The following NKAIN2 variants were observed in gnomAD, a reference collection of about 807,000 sequenced individuals.
NKAIN2 encodes sodium/potassium-transporting ATPase subunit beta-1-interacting protein 2.
A neutral mutation model predicts 32.6 loss-of-function variants in NKAIN2; 14 were observed. That is an observed-to-expected ratio of 0.43 (90% CI 0.28 to 0.67). The LOEUF (loss-of-function observed/expected upper bound fraction) is 0.67. Among genes scored for constraint, NKAIN2 ranks in the 30% least tolerant of loss-of-function variants. The probability of loss-of-function intolerance (pLI) is 0.17; values close to 1 mark genes in which losing one functional copy is unlikely to be tolerated. For missense variants in NKAIN2, 198 were observed against 258.3 expected (o/e 0.77, Z 1.60); for synonymous variants, 80 against 87.2 (o/e 0.92, Z 0.46).
chr6:124,768,528 C>T (rs550647502), intron 4 of NKAIN2, among the ~76,000 whole-genome samples: 19 of 152,146 alleles, frequency 1.2e-4, no homozygotes, highest in Non-Finnish European at 1.8e-4. Flanking sequence ...AGAAAAATAA[C>T]GAATCACACC....
At chr6:124,486,133 T>C (rs764013585) in intron 3 of NKAIN2, among the ~76,000 whole-genome samples, 1 of 152,184 alleles carries the variant, frequency 6.6e-6, no homozygotes, top group Non-Finnish European at 1.5e-5. Flanking sequence ...TACGAGAGTA[T>C]AGCTTCAATA....
chr6:124,135,137 G>A (rs2114289141), intron 1 of NKAIN2, among the ~76,000 whole-genome samples: 1 of 151,648 alleles, frequency 6.6e-6, no homozygotes, highest in African/African-American at 2.4e-5. Context: ...TCTAAATCTT[G>A]AAACAAAACC....
chr6:124,533,341 G>A (rs573383373), intron 3 of NKAIN2, among the ~76,000 whole-genome samples: 1 of 151,870 alleles, frequency 6.6e-6, no homozygotes, highest in Non-Finnish European at 1.5e-5. Context: ...GCATGGTGGT[G>A]GGCCCCTGTA....
At chr6:124,007,505 A>T (rs1399399964) in intron 1 of NKAIN2, among the ~76,000 whole-genome samples, 5 of 152,186 alleles carry the variant, frequency 3.3e-5, no homozygotes, top group Admixed American at 2.6e-4. Context: ...TAGCTCAGGG[A>T]TGGCTAAACT....
At chr6:124,210,204 G>T (rs1243228395) in intron 1 of NKAIN2, among the ~76,000 whole-genome samples, 1 of 151,736 alleles carries the variant, frequency 6.6e-6, no homozygotes, top group Non-Finnish European at 1.5e-5. Context: ...GGACTGAAGA[G>T]ATTATCCTTT....
chr6:124,370,652 T>C (rs896055674), intron 3 of NKAIN2, among the ~76,000 whole-genome samples: 1 of 152,106 alleles, frequency 6.6e-6, no homozygotes, highest in Non-Finnish European at 1.5e-5. Context: ...ACCACAGGGA[T>C]ACTCTGTTTC....
At position 124,476,065 on chromosome 6, in the gene NKAIN2, A is replaced by AGT. The variant is rs61191593; in HGVS notation, c.273+120750_273+120751dup. Among the ~76,000 whole-genome samples the AGT allele has an allele frequency of 4.8e-3, 630 of 132,524 alleles. 4 individuals are homozygous for AGT. Among genetic ancestry groups the AGT allele is most frequent in the African/African-American group, 0.013 (465 of 34,784 alleles). 86.9% of individuals were successfully genotyped at this position (132,524 alleles called of 152,430 possible). A position where few individuals can be genotyped will look rare whatever the true frequency, so the allele number is the denominator to read the frequency against. Reference sequence around the variant, plus strand: ...GTGTGTGTGAGAGAGAGAGAGAGAGAGTGTGTGTGTGTGTGTGTGTGTGTG... The same window carrying AGT: ...GTGTGTGTGAGAGAGAGAGAGAGAGAGTGTGTGTGTGTGTGTGTGTGTGTGTG... On this transcript the variant is annotated intron_variant, in intron 3 of 6. Coordinates refer to ENST00000368417, the MANE Select transcript of NKAIN2 (RefSeq NM_001040214.3).
intron 1 of NKAIN2, among the ~76,000 whole-genome samples, chr6:123,938,103 C>G (rs1776605225): frequency 7.2e-6 from 1 of 139,468 alleles, no homozygotes; most frequent in Non-Finnish European, 1.6e-5. Flanking sequence ...AAACAAAACT[C>G]TATTTGTTCA....
In NKAIN2 at chr6:124,283,062, C is replaced by A. The variant is rs756187720; in HGVS notation, c.112C>A (p.Leu38Met). 1.2e-6 allele frequency: 2 copies of A among 1,612,548 alleles called. No homozygotes were observed. The highest frequency in any genetic ancestry group is 2.7e-5 in the African/African-American group (2 of 74,858). Residue 38 changes from leucine (L) to methionine (M), a missense_variant, in exon 2 of 7, where the codon CTG becomes ATG. Coordinates refer to ENST00000368417, the MANE Select transcript of NKAIN2 (RefSeq NM_001040214.3). The stretch of plus-strand genomic sequence containing the variant: ...CCTTGGATATCAGTGGGCACCTATC[C>A]TGGCAAATTTTGTACATATTATTAT... ...DFLGYQWAPI[L>M]ANFVHIIIVI... is the part of the protein sequence containing the mutation.
chr6:124,333,431 G>T (rs115804064), intron 2 of NKAIN2, among the ~76,000 whole-genome samples: 1 of 151,580 alleles, frequency 6.6e-6, no homozygotes, highest in African/African-American at 2.4e-5. Context: ...AAGCCAAAGC[G>T]GGGGGATCAC....
chr6:124,231,977 C>A (rs920616098), intron 1 of NKAIN2, among the ~76,000 whole-genome samples: 1 of 151,988 alleles, frequency 6.6e-6, no homozygotes, highest in Non-Finnish European at 1.5e-5. Context: ...CTTCTTTTAA[C>A]CTTTATATGT....
chr6:123,979,051 C>T (rs935544321), intron 1 of NKAIN2, among the ~76,000 whole-genome samples: 6 of 152,108 alleles, frequency 3.9e-5, no homozygotes, highest in Admixed American at 2.6e-4. Context: ...CTATCATTTC[C>T]TAGCATAAAT....
intron 3 of NKAIN2, among the ~76,000 whole-genome samples, chr6:124,524,938 A>G (rs1353431235): frequency 6.6e-6 from 1 of 152,306 alleles, no homozygotes; most frequent in East Asian, 1.9e-4. Flanking sequence ...CGGAAACAAG[A>G]TGGCACTGCT....
chr6:124,185,315 T>G (rs1438561001), intron 1 of NKAIN2, among the ~76,000 whole-genome samples: 1 of 152,166 alleles, frequency 6.6e-6, no homozygotes, highest in African/African-American at 2.4e-5. Flanking sequence ...GGTTTAAAAT[T>G]ATGAGTTCTG....
intron 1 of NKAIN2, among the ~76,000 whole-genome samples, chr6:124,212,257 G>A (rs915508685): frequency 7.9e-5 from 12 of 151,820 alleles, no homozygotes; most frequent in African/African-American, 2.9e-4. Flanking sequence ...TACTGTTTTA[G>A]TTTTAAAAGT....
chr6:124,026,566 A>G (rs1033629017), intron 1 of NKAIN2, among the ~76,000 whole-genome samples: 1 of 152,160 alleles, frequency 6.6e-6, no homozygotes, highest in African/African-American at 2.4e-5. Flanking sequence ...AATCTGGGAT[A>G]TCCATGACAC....
intron 1 of NKAIN2, among the ~76,000 whole-genome samples, chr6:123,982,074 A>T (rs1303520893): frequency 6.6e-6 from 1 of 152,162 alleles, no homozygotes; most frequent in Non-Finnish European, 1.5e-5. Flanking sequence ...ATGTAACCTA[A>T]CTTTTTTTTC....
chr6:123,829,568 A>G (rs953847987), intron 1 of NKAIN2, among the ~76,000 whole-genome samples: 3 of 152,158 alleles, frequency 2.0e-5, no homozygotes, highest in Admixed American at 6.6e-5. Context: ...TTTTGCTTGT[A>G]GACTGCTTAT....
chr6:124,124,586 G>T lies in NKAIN2; in HGVS notation c.55-158419G>T, dbSNP rs576925785. 4.6e-5 allele frequency among the ~76,000 whole-genome samples: 7 copies of T among 152,230 alleles called. No individual in the cohort carries two copies. The East Asian group carries it at 1.4e-3, about 29-fold the overall frequency. ...CAAGACAAAACTGTGAATTTTGAAAGATGTCTCCTACTCATTTCTACATAT... is the reference window on the plus strand; with the variant it reads ...CAAGACAAAACTGTGAATTTTGAAATATGTCTCCTACTCATTTCTACATAT... On this transcript the variant is annotated intron_variant, in intron 1 of 6. Transcript: ENST00000368417.
Sources: allele counts gnomAD v4.1 joint callset (sites outside exome capture counted in the v4.1 genomes callset), GRCh38; gene constraint gnomAD v4.1.1; transcripts MANE v1.5; gene names NCBI Gene and HGNC (gene_info 2026-07-23, HGNC 2026-07-21).